ARID1B: variants seen among roughly 807,000 people sequenced by gnomAD.
ARID1B encodes the protein AT-rich interaction domain 1B, also known as AT-rich interactive domain-containing protein 1B.
In ARID1B, 30 loss-of-function variants were observed where a neutral mutation model predicts 212.3. The ratio of observed to expected loss-of-function variants is 0.14; its 90% CI spans 0.11 to 0.19. ARID1B has a LOEUF of 0.19. Among genes scored for constraint, ARID1B ranks in the 10% least tolerant of loss-of-function variants. The probability of loss-of-function intolerance (pLI) is 1.00; values close to 1 mark genes in which losing one functional copy is unlikely to be tolerated. For synonymous variants in ARID1B, 1,402 were observed against 1,301.7 expected (o/e 1.08, Z -1.66); for missense variants, 2,891 against 3,204.0 (o/e 0.90, Z 2.36).
intron 1 of ARID1B, among the ~76,000 whole-genome samples, chr6:156,801,243 C>G (rs796894759): frequency 2.1e-4 from 31 of 147,608 alleles, no homozygotes; most frequent in African/African-American, 7.1e-4. Context: ...CTCTGTTGCC[C>G]ACTCTGGAGT....
At chr6:157,143,711 G>A (rs9480450) in intron 7 of ARID1B, among the ~76,000 whole-genome samples, 8,554 of 152,286 alleles carry the variant, frequency 0.056, 360 homozygotes, top group South Asian at 0.22. Flanking sequence ...TGAAGCCTGT[G>A]CTTTATCCAT....
intron 16 of ARID1B, among the ~76,000 whole-genome samples, chr6:157,198,047 A>C (rs1793849860): frequency 6.6e-6 from 1 of 152,242 alleles, no homozygotes; most frequent in Non-Finnish European, 1.5e-5. Context: ...TTAGTATATT[A>C]AACCAATGTA....
chr6:156,814,459 G>C (rs1781823287), intron 1 of ARID1B, among the ~76,000 whole-genome samples: 1 of 152,200 alleles, frequency 6.6e-6, no homozygotes, highest in Admixed American at 6.5e-5. Flanking sequence ...CTTCTTTTAA[G>C]TTCAAGGTGT....
At chr6:157,035,204 C>T (rs1232423645) in intron 4 of ARID1B, among the ~76,000 whole-genome samples, 3 of 152,108 alleles carry the variant, frequency 2.0e-5, no homozygotes, top group Non-Finnish European at 2.9e-5. Context: ...ATAAAATATG[C>T]AGAACTCACT....
intron 2 of ARID1B, among the ~76,000 whole-genome samples, chr6:156,860,165 T>C (rs1785229297): frequency 6.6e-6 from 1 of 152,244 alleles, no homozygotes; most frequent in Admixed American, 6.5e-5. Flanking sequence ...TTTTGCAGAA[T>C]ATGCTTACAA....
chr6:156,946,860 C>G (rs1030945615), intron 4 of ARID1B, among the ~76,000 whole-genome samples: 11 of 152,296 alleles, frequency 7.2e-5, no homozygotes, highest in African/African-American at 2.6e-4. Flanking sequence ...AATAACTGCT[C>G]AAATCCTGTA....
chr6:156,931,190 CAAAAA>C (rs11309121), intron 3 of ARID1B, among the ~76,000 whole-genome samples: 24 of 90,150 alleles, frequency 2.7e-4, no homozygotes, highest in African/African-American at 7.4e-4. Context: ...GACTCAGTCT[CAAAAA>C]AAAAAAAAAA....
At chr6:157,040,136 C>T (rs1474633300) in intron 4 of ARID1B, among the ~76,000 whole-genome samples, 1 of 152,090 alleles carries the variant, frequency 6.6e-6, no homozygotes, top group Non-Finnish European at 1.5e-5. Context: ...GACGGGGTTT[C>T]ACCATGTTGG....
chr6:156,985,788 G>T (rs1407164023), intron 4 of ARID1B: 1 of 152,162 alleles, frequency 6.6e-6, no homozygotes, highest in Non-Finnish European at 1.5e-5. Flanking sequence ...ACACAGCTCT[G>T]TAAGGGAACA....
chr6:156,810,453 C>G (rs1309419062), intron 1 of ARID1B, among the ~76,000 whole-genome samples: 1 of 152,180 alleles, frequency 6.6e-6, no homozygotes, highest in Non-Finnish European at 1.5e-5. Context: ...TTCCTGCTCT[C>G]ATTCTGTCTT....
At chr6:156,811,048 T>G (rs1562402586) in intron 1 of ARID1B, among the ~76,000 whole-genome samples, 1 of 152,142 alleles carries the variant, frequency 6.6e-6, no homozygotes, top group East Asian at 1.9e-4. Context: ...CGCCTCAGAC[T>G]GTTGGCAGAA....
At chr6:157,040,797 G>GCT (rs1781835413) in intron 4 of ARID1B, among the ~76,000 whole-genome samples, 1 of 152,160 alleles carries the variant, frequency 6.6e-6, no homozygotes, top group Non-Finnish European at 1.5e-5. Context: ...CACAAATAGA[G>GCT]ATTCATTGTT....
intron 8 of ARID1B, among the ~76,000 whole-genome samples, chr6:157,161,550 G>A (rs1790949055): frequency 1.3e-5 from 2 of 151,960 alleles, no homozygotes; most frequent in South Asian, 4.2e-4. Flanking sequence ...CTTTGGAAGA[G>A]TCACCATGTA....
At position 156,778,660 on chromosome 6, in the gene ARID1B, C is replaced by G. The variant is rs775385239; in HGVS notation, c.980C>G (p.Pro327Arg). Residue 327 changes from proline to arginine, a missense_variant, in exon 1 of 20, where the codon CCC becomes CGC. By Grantham distance (103) the Pro-to-Arg change is moderately radical (BLOSUM62 -2). This residue lies in a region of ARID1B where 1,643 missense variants were observed against 1,544.0 expected (regional missense o/e 1.06). Transcript: ENST00000636930. ...AGCGCTGCCCCTGCGAGCGGCGGCCCCGGCGGCCGCGCTGGGCCTTGCTTT... is the reference window on the plus strand; with the variant it reads ...AGCGCTGCCCCTGCGAGCGGCGGCCGCGGCGGCCGCGCTGGGCCTTGCTTT... Reference protein sequence around the residue: ...YGSAAPASGGPGGRAGPCFDQ... With the variant: ...YGSAAPASGGRGGRAGPCFDQ... The G allele has an allele frequency of 3.2e-5, 47 of 1,486,644 alleles. No individual in the cohort carries two copies. In the African/African-American group the frequency reaches 6.4e-4, roughly 20 times the overall value. 92.1% of individuals were successfully genotyped at this position (1,486,644 alleles called of 1,614,324 possible). A position where few individuals can be genotyped will look rare whatever the true frequency, so the allele number is the denominator to read the frequency against.
chr6:157,080,588 C>T (rs1238827602), intron 4 of ARID1B, among the ~76,000 whole-genome samples: 1 of 152,224 alleles, frequency 6.6e-6, no homozygotes, highest in African/African-American at 2.4e-5. Context: ...ACGCTGCCCT[C>T]CCTGAGCCTG....
rs751590307 is a variant in ARID1B, at chr6:157,207,013, G to A, written c.6241G>A (p.Val2081Met). ...CAATATTGTCCGTAGCTTGTCATTC[G>A]TGCCTGGCAATGATGCCGAAATGTC... The part of the protein sequence containing the change: ...VSNIVRSLSF[V>M]PGNDAEMSKH... Residue 2081 changes from valine to methionine, a missense_variant, in exon 20 of 20, where the codon GTG becomes ATG. By Grantham distance (21) the Val-to-Met change is conservative. Transcript: ENST00000636930. This position sits in a 1 kb window ranked among gnomAD's most constrained non-coding sequence, Gnocchi z 8.5. 4 of 1,614,194 alleles carry A rather than the reference G, an allele frequency of 2.5e-6. No individual in the cohort carries two copies. The highest frequency in any genetic ancestry group is 1.1e-5 in the South Asian group (1 of 91,078).
intron 1 of ARID1B, among the ~76,000 whole-genome samples, chr6:156,821,675 T>C (rs1731455881): frequency 6.6e-6 from 1 of 152,228 alleles, no homozygotes; most frequent in Non-Finnish European, 1.5e-5. Context: ...TATATTAAAG[T>C]GCTTTGGAAA....
intron 4 of ARID1B, among the ~76,000 whole-genome samples, chr6:157,062,423 C>T (rs1453300817): frequency 6.6e-6 from 1 of 151,964 alleles, no homozygotes; most frequent in East Asian, 1.9e-4. Flanking sequence ...GTCTTGAATT[C>T]CTAGCTTCAA....
intron 2 of ARID1B, among the ~76,000 whole-genome samples, chr6:156,897,264 C>CTTCTTCTTCTTCTTCTTCTTA (rs71027320): frequency 2.0e-3 from 165 of 83,580 alleles, no homozygotes; most frequent in Non-Finnish European, 2.9e-3. Flanking sequence ...TCTTCTTCTT[C>CTTCTTCTTCTTCTTCTTCTTA]TTATTATTAT....
Sources: gnomAD v4.1 joint callset for allele counts (sites outside exome capture counted in the v4.1 genomes callset) on GRCh38, gnomAD v4.1.1 for gene constraint, gnomAD v4.1.1 regional missense constraint, Gnocchi (gnomAD v3.1) non-coding constraint, MANE v1.5 for transcripts, NCBI Gene and HGNC (gene_info 2026-07-23, HGNC 2026-07-21) for gene names.